Variants in ASAP1 observed in about 807,000 individuals in gnomAD.
ASAP1 encodes ArfGAP with SH3 domain, ankyrin repeat and PH domain 1, also known as arf-GAP with SH3 domain, ANK repeat and PH domain-containing protein 1.
ASAP1 carries 43 observed loss-of-function variants against 145.2 expected under a neutral mutation model. The ratio of observed to expected loss-of-function variants is 0.30; its 90% confidence interval spans 0.23 to 0.38. The LOEUF is 0.38. ASAP1 is among the 10% of genes least tolerant of loss of function. The probability of loss-of-function intolerance (pLI) is 1.00; values close to 1 mark genes in which losing one functional copy is unlikely to be tolerated. For synonymous variants in ASAP1, 546 were observed against 515.5 expected (o/e 1.06, Z -0.80); for missense variants, 1,018 against 1,355.3 (o/e 0.75, Z 3.91).
chr8:130,054,887 T>A, intron 29 of ASAP1, 82 bp from the exon 30 acceptor site: 2 of 1,097,824 alleles, frequency 1.8e-6, no homozygotes, highest in Non-Finnish European at 2.8e-6. Flanking sequence ...GAGCCCAGCC[T>A]AGTCTGCCCA....
At chr8:130,243,934 T>C (rs989576658) in intron 3 of ASAP1, among the ~76,000 whole-genome samples, 3 of 152,228 alleles carry the variant, frequency 2.0e-5, no homozygotes, top group Non-Finnish European at 4.4e-5. Flanking sequence ...GGTGCTATCC[T>C]GTTCATGGCA....
At chr8:130,067,369 A>G (rs1340614820) in intron 27 of ASAP1, among the ~76,000 whole-genome samples, 1 of 151,966 alleles carries the variant, frequency 6.6e-6, no homozygotes, top group Non-Finnish European at 1.5e-5. Flanking sequence ...CCCTAAAGGA[A>G]CTCAGATCCA....
chr8:130,070,220 G>A (rs182591808), intron 27 of ASAP1, among the ~76,000 whole-genome samples: 13 of 152,214 alleles, frequency 8.5e-5, no homozygotes, highest in Admixed American at 8.5e-4. Flanking sequence ...CTATTTTTTA[G>A]TAGAGACGGG....
chr8:130,208,722 G>A (rs1016759053), intron 5 of ASAP1: 2 of 152,152 alleles, frequency 1.3e-5, no homozygotes, highest in Non-Finnish European at 2.9e-5. Context: ...AAGGGGATGA[G>A]GCTGCAATGA....
chr8:130,128,113 A>C (rs1405621662), intron 15 of ASAP1, 23 bp from the exon 16 acceptor site: 3 of 1,421,928 alleles, frequency 2.1e-6, no homozygotes, highest in Non-Finnish European at 2.8e-6. Context: ...ACATAAGAGG[A>C]AAAAAGTCTT....
chr8:130,188,690 C>CA (rs1554842752), intron 5 of ASAP1, among the ~76,000 whole-genome samples: 2 of 135,798 alleles, frequency 1.5e-5, no homozygotes, highest in Non-Finnish European at 3.1e-5. Flanking sequence ...GCCGAGATCA[C>CA]CACTGCATTC....
chr8:130,250,063 T>G (rs767422224), intron 3 of ASAP1, among the ~76,000 whole-genome samples: 1 of 152,148 alleles, frequency 6.6e-6, no homozygotes, highest in Non-Finnish European at 1.5e-5. Flanking sequence ...TGGAAATATA[T>G]TTGGGAAAGT....
chr8:130,278,134 A>T (rs573293384), intron 3 of ASAP1, among the ~76,000 whole-genome samples: 1 of 152,294 alleles, frequency 6.6e-6, no homozygotes, highest in Non-Finnish European at 1.5e-5. Context: ...ATATCCCTCA[A>T]ACCATGAGTT....
chr8:130,301,918 T>A (rs1374712682), intron 3 of ASAP1, among the ~76,000 whole-genome samples: 1 of 152,256 alleles, frequency 6.6e-6, no homozygotes, highest in Non-Finnish European at 1.5e-5. Flanking sequence ...AGAAGTAGAA[T>A]GACTGGGTCA....
intron 9 of ASAP1, among the ~76,000 whole-genome samples, chr8:130,173,100 T>C (rs766149976): frequency 6.6e-6 from 1 of 152,210 alleles, no homozygotes; most frequent in African/African-American, 2.4e-5. Context: ...AAAACAAAAT[T>C]AAAGAGTCAA....
intron 3 of ASAP1, among the ~76,000 whole-genome samples, chr8:130,290,094 A>G (rs763720021): frequency 6.6e-6 from 1 of 152,160 alleles, no homozygotes; most frequent in Non-Finnish European, 1.5e-5. Context: ...TGTATCTCCA[A>G]TACTAGCACA....
intron 7 of ASAP1, among the ~76,000 whole-genome samples, chr8:130,186,235 T>A (rs2136210910): frequency 6.6e-6 from 1 of 152,322 alleles, no homozygotes; most frequent in East Asian, 1.9e-4. Flanking sequence ...TGTTCTCTGC[T>A]GCATTTAGAA....
rs188056882 is a variant in ASAP1 at position 130,293,699 on chromosome 8, C to A, written c.187-56705G>T. 2.0e-4 allele frequency among the ~76,000 whole-genome samples: 31 copies of A among 152,192 alleles called. No individual in the cohort carries two copies. The East Asian group carries it at 4.6e-3, about 23-fold the overall frequency. On this transcript the variant is annotated intron_variant, in intron 3 of 29. Transcript: ENST00000518721. Reference sequence around the variant, plus strand: ...CTACCACTCAACAATGGGTCATTTTCTTTAGATTATTTTCACAAATGACCA... The same window carrying A: ...CTACCACTCAACAATGGGTCATTTTATTTAGATTATTTTCACAAATGACCA...
intron 1 of ASAP1, among the ~76,000 whole-genome samples, chr8:130,418,791 A>G (rs62517740): frequency 6.9e-6 from 1 of 145,954 alleles, no homozygotes; most frequent in East Asian, 2.0e-4. Flanking sequence ...TTTTTTTTTA[A>G]TTATTCTTTC....
At chr8:130,331,727 T>C (rs975153982) in intron 3 of ASAP1, among the ~76,000 whole-genome samples, 2 of 152,152 alleles carry the variant, frequency 1.3e-5, no homozygotes, top group Non-Finnish European at 2.9e-5. Flanking sequence ...TAGTATTTTA[T>C]TAGCAACATT....
chr8:130,186,049 T>G (rs1477802760), intron 7 of ASAP1, among the ~76,000 whole-genome samples: 3 of 152,156 alleles, frequency 2.0e-5, no homozygotes, highest in African/African-American at 7.2e-5. Context: ...TTCTTCCCCC[T>G]TTGTCCTTCC....
chr8:130,286,325 C>T (rs576877426), intron 3 of ASAP1, among the ~76,000 whole-genome samples: 1 of 152,326 alleles, frequency 6.6e-6, no homozygotes, highest in African/African-American at 2.4e-5. Flanking sequence ...TAACTAAAAA[C>T]AAAGCTAGCA....
intron 3 of ASAP1, among the ~76,000 whole-genome samples, chr8:130,262,986 ACG>A (rs1820029354): frequency 6.6e-6 from 1 of 152,218 alleles, no homozygotes; most frequent in African/African-American, 2.4e-5. Flanking sequence ...TTAACCCCTT[ACG>A]TTGAGAATAT....
At chr8:130,268,942 A>T (rs926387204) in intron 3 of ASAP1, among the ~76,000 whole-genome samples, 2 of 152,188 alleles carry the variant, frequency 1.3e-5, no homozygotes, top group African/African-American at 4.8e-5. Flanking sequence ...ATGATTAGTG[A>T]AATCTGAGGG....
Sources: allele counts gnomAD v4.1 joint callset (sites outside exome capture counted in the v4.1 genomes callset), GRCh38; gene constraint gnomAD v4.1.1; transcripts MANE v1.5; gene names NCBI Gene and HGNC (gene_info 2026-07-23, HGNC 2026-07-21).